The following PER3 variants were observed in gnomAD, a reference collection of about 807,000 sequenced individuals.
PER3 encodes period circadian protein homolog 3.
A neutral mutation model predicts 127.2 loss-of-function variants in PER3; 107 were observed. That is an observed-to-expected ratio of 0.84 (90% CI 0.72 to 0.99). PER3 has a LOEUF of 0.99. Among genes scored for constraint, PER3 ranks in the 50% least tolerant of loss-of-function variants. The probability of loss-of-function intolerance (pLI) is 0.00; values close to 1 mark genes in which losing one functional copy is unlikely to be tolerated. For synonymous variants in PER3, 618 were observed against 585.8 expected, an observed-to-expected ratio of 1.05 and a Z score of -0.79; for missense variants, 1,560 against 1,525.8, an observed-to-expected ratio of 1.02 and a Z score of -0.37.
At position 7,829,879 on chromosome 1, in the gene PER3, A is replaced by G; in HGVS notation, c.2932A>G (p.Thr978Ala). ...NNGSESSPAT[T>A]GALSTGSPPR... Reference sequence around the variant, plus strand: ...TGGCAGTGAGAGCAGTCCTGCTACTACCGGTGCACTGTCCACGGGGTCACC... The same window carrying G: ...TGGCAGTGAGAGCAGTCCTGCTACTGCCGGTGCACTGTCCACGGGGTCACC... The change falls in exon 19 of 22, where the codon ACC becomes GCC. Residue 978 changes from threonine (T) to alanine (A), a missense_variant. Around this residue, in one of 3 missense-constraint regions of PER3, gnomAD observed 29 missense variants for 103.6 expected, o/e 0.28. Transcript: ENST00000377532. 6.2e-7 allele frequency: 1 copy of G among 1,614,200 alleles called. No individual in the cohort carries two copies. Among genetic ancestry groups the G allele is most frequent in the Non-Finnish European group, 8.5e-7 (1 of 1,180,022 alleles).
At chr1:7,785,624 A>G in intron 3 of PER3, 38 bp downstream of exon 3, 3 of 1,582,682 alleles carry the variant, frequency 1.9e-6, no homozygotes, top group South Asian at 1.1e-5. Context: ...CTACGAATGC[A>G]CCAGGACTCA....
chr1:7,830,263 G>T (rs906434556), intron 19 of PER3, 102 bp downstream of exon 19: 8 of 1,055,638 alleles, frequency 7.6e-6, no homozygotes, highest in Admixed American at 7.5e-5. Context: ...GAAGTACAAG[G>T]TTTTTTTTTC....
Position 7,788,350 on chromosome 1 carries a change from A to G in PER3, c.592+104A>G, listed in dbSNP as rs117618697. On this transcript the variant is annotated intron_variant, in intron 5 of 21. Coordinates refer to ENST00000377532, the MANE Select transcript of PER3 (RefSeq NM_001377275.1). ...ACATATTATTTAGAACATGCACACT[A>G]TCTGGTTTTTCTTATTCCTGTTATA... 37 of 804,770 alleles carry G rather than the reference A, an allele frequency of 4.6e-5. 1 individual carries two copies. The East Asian group carries it at 9.7e-4, about 21-fold the overall frequency. 49.9% of individuals were successfully genotyped at this position (804,770 alleles called of 1,614,324 possible). A position where few individuals can be genotyped will look rare whatever the true frequency, so the allele number is the denominator to read the frequency against.
rs147327372 is a variant in PER3, at chr1:7,819,341, A to G, written c.1579A>G (p.Thr527Ala). The G allele has an allele frequency of 2.1e-3, 3,325 of 1,613,620 alleles. 5 individuals carry two copies. The highest frequency in any genetic ancestry group is 3.1e-3 in the Middle Eastern group (19 of 6,058). The change falls in exon 14 of 22, where the codon ACT becomes GCT. Residue 527 changes from threonine to alanine, a missense_variant. Transcript: ENST00000377532. ...HQTLKNNSVY[T>A]EPCEDLRNDE... Reference sequence around the variant, plus strand: ...AACACTGAAAAACAATAGTGTGTACACTGAGCCCTGTGAGGATTTGAGGAA... The same window carrying G: ...AACACTGAAAAACAATAGTGTGTACGCTGAGCCCTGTGAGGATTTGAGGAA...
chr1:7,818,254 G>A (rs1329649473), intron 13 of PER3, among the ~76,000 whole-genome samples: 2 of 152,170 alleles, frequency 1.3e-5, no homozygotes, highest in Non-Finnish European at 2.9e-5. Context: ...AGTGGAAGCT[G>A]GGTGATGGGC....
intron 19 of PER3, among the ~76,000 whole-genome samples, chr1:7,834,751 C>A (rs1291440978): frequency 6.6e-6 from 1 of 152,114 alleles, no homozygotes; most frequent in Non-Finnish European, 1.5e-5. Flanking sequence ...AGCCACCACG[C>A]CCAACCTAAA....
At chr1:7,832,778 T>A (rs1311741826) in intron 19 of PER3, among the ~76,000 whole-genome samples, 6 of 152,106 alleles carry the variant, frequency 3.9e-5, no homozygotes, top group Non-Finnish European at 5.9e-5. Context: ...AATTGAGATT[T>A]TTCCCCCCCA....
chr1:7,802,574 T>C (rs1014716151), intron 8 of PER3, among the ~76,000 whole-genome samples: 2 of 152,184 alleles, frequency 1.3e-5, no homozygotes, highest in Non-Finnish European at 2.9e-5. Flanking sequence ...CTAGGTGACA[T>C]TGTTTTTATG....
intron 5 of PER3, among the ~76,000 whole-genome samples, chr1:7,791,532 T>G (rs2097121181): frequency 6.6e-6 from 1 of 152,238 alleles, no homozygotes; most frequent in Admixed American, 6.5e-5. Flanking sequence ...GTCTCTGACA[T>G]GCCCTGAAGA....
intron 21 of PER3, among the ~76,000 whole-genome samples, chr1:7,839,424 A>G (rs2097373795): frequency 6.6e-6 from 1 of 152,226 alleles, no homozygotes; most frequent in Non-Finnish European, 1.5e-5. Flanking sequence ...AGTTTCTTAA[A>G]TCATGTAGAA....
intron 18 of PER3, among the ~76,000 whole-genome samples, chr1:7,828,259 G>T (rs1199282302): frequency 2.0e-5 from 3 of 152,224 alleles, no homozygotes; most frequent in Non-Finnish European, 4.4e-5. Flanking sequence ...GACAACAGGT[G>T]TGTATGAAGA....
At chr1:7,830,541 T>A (rs2097326634) in intron 19 of PER3, among the ~76,000 whole-genome samples, 1 of 152,248 alleles carries the variant, frequency 6.6e-6, no homozygotes, top group South Asian at 2.1e-4. Flanking sequence ...ATGTATAGAA[T>A]CAGACAGTAT....
intron 13 of PER3, among the ~76,000 whole-genome samples, chr1:7,816,738 T>C (rs1037750963): frequency 6.6e-6 from 1 of 152,240 alleles, no homozygotes; most frequent in African/African-American, 2.4e-5. Context: ...TGCCAAATTG[T>C]ACAGCCACTT....
chr1:7,826,842 T>A lies in PER3; in HGVS notation c.2188+132T>A, dbSNP rs921363626. Reference sequence around the variant, plus strand: ...AACTGATGGAGAGATGCTGAAACAATCTATTTACATCAACAGTTTATGTAA... The same window carrying A: ...AACTGATGGAGAGATGCTGAAACAAACTATTTACATCAACAGTTTATGTAA... On this transcript the variant is annotated intron_variant, in intron 17 of 21. Transcript: ENST00000377532. This position sits in a 1 kb window ranked among gnomAD's most constrained non-coding sequence, Gnocchi z 4.2. 96 of 646,120 alleles carry A rather than the reference T, an allele frequency of 1.5e-4. 1 individual carries two copies. In the South Asian group the frequency reaches 1.5e-3, roughly 10 times the overall value. 40.0% of individuals were successfully genotyped at this position (646,120 alleles called of 1,614,324 possible).
At chr1:7,839,040 A>T (rs943294787) in intron 21 of PER3, among the ~76,000 whole-genome samples, 5 of 151,932 alleles carry the variant, frequency 3.3e-5, no homozygotes, top group Non-Finnish European at 5.9e-5. Context: ...CATTACTGTC[A>T]TCTTTTGTGT....
chr1:7,797,361 G>A (rs1349211589), intron 6 of PER3, among the ~76,000 whole-genome samples: 4 of 152,104 alleles, frequency 2.6e-5, no homozygotes, highest in Non-Finnish European at 5.9e-5. Context: ...GGGGCTGGGC[G>A]CAGTGGCTCA....
chr1:7,812,174 C>T (rs1255163227), intron 13 of PER3, among the ~76,000 whole-genome samples: 4 of 152,304 alleles, frequency 2.6e-5, no homozygotes, highest in Admixed American at 6.5e-5. Flanking sequence ...ACACACTGAC[C>T]TCTGTCCTCA....
intron 6 of PER3, among the ~76,000 whole-genome samples, 171 bp from the exon 7 acceptor site, chr1:7,798,354 G>T (rs1046209257): frequency 2.6e-5 from 4 of 152,216 alleles, no homozygotes; most frequent in Non-Finnish European, 5.9e-5. Flanking sequence ...TTGAATAATA[G>T]CGAAAATTTA....
chr1:7,830,989 TCA>T (rs1453082261), intron 19 of PER3, among the ~76,000 whole-genome samples: 1 of 152,228 alleles, frequency 6.6e-6, no homozygotes, highest in Non-Finnish European at 1.5e-5. Context: ...ACTCCATTTC[TCA>T]GTTTCTACAA....
Sources: gnomAD v4.1 joint callset for allele counts (sites outside exome capture counted in the v4.1 genomes callset) on GRCh38, gnomAD v4.1.1 for gene constraint, gnomAD v4.1.1 regional missense constraint, Gnocchi (gnomAD v3.1) non-coding constraint, MANE v1.5 for transcripts, NCBI Gene and HGNC (gene_info 2026-07-23, HGNC 2026-07-21) for gene names.